Variants in UGT2B4 observed in about 807,000 individuals in gnomAD.
UGT2B4 encodes UDP-glucuronosyltransferase 2B4.
A neutral mutation model predicts 49.8 loss-of-function variants in UGT2B4; 49 were observed. The ratio of observed to expected loss-of-function variants is 0.98; its 90% CI spans 0.78 to 1.25. The LOEUF is 1.25. Ranked by LOEUF, UGT2B4 falls within the 50% of genes most tolerant of loss-of-function variation. The probability of loss-of-function intolerance (pLI) is 0.00; values close to 1 mark genes in which losing one functional copy is unlikely to be tolerated. For missense variants in UGT2B4, 729 were observed against 627.7 expected, an observed-to-expected ratio of 1.16 and a Z score of -1.73; for synonymous variants, 246 against 217.7, an observed-to-expected ratio of 1.13 and a Z score of -1.14.
chr4:69,523,562 T>C (rs1728893071), intron 1 of UGT2B4, among the ~76,000 whole-genome samples: 1 of 152,126 alleles, frequency 6.6e-6, no homozygotes, highest in South Asian at 2.1e-4. Flanking sequence ...TGCTGTCATC[T>C]AGGCTTTGTC....
At chr4:69,520,331 G>A (rs529595527) in intron 1 of UGT2B4, among the ~76,000 whole-genome samples, 1 of 152,352 alleles carries the variant, frequency 6.6e-6, no homozygotes, top group African/African-American at 2.4e-5. Context: ...AGCCACTGCT[G>A]GAGTTGGGAA....
intron 1 of UGT2B4, among the ~76,000 whole-genome samples, chr4:69,502,710 C>T (rs1207973805): frequency 2.6e-5 from 4 of 152,132 alleles, no homozygotes; most frequent in Admixed American, 2.0e-4. Context: ...GACAGAGCCT[C>T]CAGGGGCCCC....
chr4:69,523,311 T>C (rs572924394), intron 1 of UGT2B4, among the ~76,000 whole-genome samples: 40 of 152,182 alleles, frequency 2.6e-4, no homozygotes, highest in African/African-American at 8.2e-4. Context: ...TTAAAAAATG[T>C]ATTTCTTAAA....
intron 5 of UGT2B4, among the ~76,000 whole-genome samples, chr4:69,484,655 A>G (rs1032320919): frequency 6.6e-6 from 1 of 152,188 alleles, no homozygotes; most frequent in African/African-American, 2.4e-5. Flanking sequence ...CTTCTATACC[A>G]TTATGGCTTC....
intron 1 of UGT2B4, among the ~76,000 whole-genome samples, chr4:69,522,009 C>CT (rs959911823): frequency 1.2e-4 from 18 of 152,086 alleles, no homozygotes; most frequent in Admixed American, 9.2e-4. Context: ...CATATATAGC[C>CT]TTTTTTATCC....
chr4:69,495,509 G>A lies in UGT2B4; in HGVS notation c.353C>T (p.Thr118Ile). 2 of 1,612,274 alleles carry A rather than the reference G, an allele frequency of 1.2e-6. No homozygotes were observed. The highest frequency in any genetic ancestry group is 1.7e-4 in the Middle Eastern group (1 of 6,060). ...YFSQVQEIMW[T>I]FNDILRKFCK... is the part of the protein sequence containing the mutation. ...GAACTTTCTAAGTATGTCATTAAAT[G>A]TCCACATGATTTCTTGTACTTGTGA... Residue 118 changes from threonine (T) to isoleucine (I), a missense_variant, in exon 1 of 6, where the codon ACA (threonine) becomes ATA (isoleucine). By Grantham distance (89) the Thr-to-Ile change is moderately conservative. Transcript: ENST00000305107.
intron 3 of UGT2B4, 118 bp from the exon 4 acceptor site, chr4:69,486,814 T>C: frequency 1.5e-6 from 1 of 673,170 alleles, no homozygotes; most frequent in South Asian, 2.1e-5. Flanking sequence ...CAAGAACTAC[T>C]CAGACTGATG....
At chr4:69,500,774 C>A (rs28808128), upstream of UGT2B4, among the ~76,000 whole-genome samples, 57,746 of 151,802 alleles carry the variant, frequency 0.38, 11,883 homozygotes, top group East Asian at 0.75. Flanking sequence ...TGTGCAACTC[C>A]AGGTAACATG....
At chr4:69,501,639 A>T (rs1728321574) in intron 1 of UGT2B4, among the ~76,000 whole-genome samples, 1 of 151,948 alleles carries the variant, frequency 6.6e-6, no homozygotes, top group Non-Finnish European at 1.5e-5. Flanking sequence ...CCCAACAGGG[A>T]TTTTGGGTAC....
At chr4:69,515,162 T>A (rs1362456038) in intron 1 of UGT2B4, among the ~76,000 whole-genome samples, 1 of 152,152 alleles carries the variant, frequency 6.6e-6, no homozygotes, top group East Asian at 1.9e-4. Context: ...TAACTTTGGA[T>A]CAAGTGAACC....
intron 1 of UGT2B4, among the ~76,000 whole-genome samples, chr4:69,524,307 G>A (rs766976718): frequency 7.9e-5 from 12 of 152,070 alleles, no homozygotes; most frequent in South Asian, 2.1e-4. Context: ...AGTGAAACAC[G>A]TGGTACTCTC....
At chr4:69,497,503 C>A (rs1009355989), upstream of UGT2B4, among the ~76,000 whole-genome samples, 1 of 152,128 alleles carries the variant, frequency 6.6e-6, no homozygotes. Context: ...GGCATATGAA[C>A]CTGTTGGCCC....
At chr4:69,496,900 G>T (rs1388508891), upstream of UGT2B4, among the ~76,000 whole-genome samples, 1 of 151,358 alleles carries the variant, frequency 6.6e-6, no homozygotes, top group Non-Finnish European at 1.5e-5. Context: ...GTTTCAAGAT[G>T]AAACTATTCC....
At chr4:69,481,814 G>A (rs1032026312) in intron 5 of UGT2B4, among the ~76,000 whole-genome samples, 3 of 152,114 alleles carry the variant, frequency 2.0e-5, no homozygotes, top group African/African-American at 7.2e-5. Flanking sequence ...TGTCATGTGG[G>A]TGAAATGCCT....
In UGT2B4 at chr4:69,493,702, G is replaced by C; in HGVS notation, c.861C>G (p.Pro287=). The C allele has an allele frequency of 6.2e-7, 1 of 1,606,676 alleles. No homozygotes were observed. Among genetic ancestry groups the C allele is most frequent in the Non-Finnish European group, 8.5e-7 (1 of 1,177,612 alleles). Residue 287 remains proline, a synonymous_variant, in exon 2 of 6, where the codon CCC becomes CCG. Coordinates refer to ENST00000305107, the MANE Select transcript of UGT2B4 (RefSeq NM_021139.3). ...AACAGTAATAGTTTACCTTCGGTAG[G>C]GGTTTGGCAGGTTTGCAGTGGAGTC... is the stretch of plus-strand genomic sequence containing the variant. ...VGGLHCKPAK[P]LPKEMEEFVQ...
intron 1 of UGT2B4, among the ~76,000 whole-genome samples, chr4:69,503,793 G>A (rs1025243009): frequency 2.6e-5 from 4 of 152,180 alleles, no homozygotes; most frequent in Admixed American, 6.5e-5. Flanking sequence ...CAGCCTTCGT[G>A]ATGAGCAACC....
intron 1 of UGT2B4, 28 bp downstream of exon 1, chr4:69,495,113 C>A: frequency 6.7e-7 from 1 of 1,503,440 alleles, no homozygotes; most frequent in Non-Finnish European, 8.9e-7. Context: ...GTTAGATCTT[C>A]ATGTTACCAA....
In UGT2B4 at chr4:69,486,642, G is replaced by A; in HGVS notation, c.1057C>T (p.Leu353=). 6.2e-7 allele frequency: 1 copy of A among 1,608,490 alleles called. No homozygotes were observed. The highest frequency in any genetic ancestry group is 8.5e-7 in the Non-Finnish European group (1 of 1,178,172). Residue 353 remains leucine, a synonymous_variant, in exon 4 of 6, where the codon CTG becomes TTG. Transcript: ENST00000305107. ...TCATTCTGGGGTATCCACTTGTACA[G>A]CCGAGTATTGAGTCCTAAAGTATCT... The part of the protein sequence containing the change: ...KPDTLGLNTR[L]YKWIPQNDLL...
chr4:69,480,761 T>C lies in UGT2B4; in HGVS notation c.1460A>G (p.Gln487Arg). 6.2e-7 allele frequency: 1 copy of C among 1,614,034 alleles called. No individual in the cohort carries two copies. The highest frequency in any genetic ancestry group is 1.1e-5 in the South Asian group (1 of 91,080). Residue 487 changes from glutamine (Q) to arginine (R), a missense_variant, in exon 6 of 6, where the codon CAG (glutamine) becomes CGG (arginine). Transcript: ENST00000305107. ...CCCAGTCACATCCAAAGAGTGGTACTGGAACCAGGTGAGGTCGTGGGCTGC... is the reference window on the plus strand; with the variant it reads ...CCCAGTCACATCCAAAGAGTGGTACCGGAACCAGGTGAGGTCGTGGGCTGC... ...RVAAHDLTWF[Q>R]YHSLDVTGFL...
Sources: gnomAD v4.1 joint callset for allele counts (sites outside exome capture counted in the v4.1 genomes callset) on GRCh38, gnomAD v4.1.1 for gene constraint, MANE v1.5 for transcripts, NCBI Gene and HGNC (gene_info 2026-07-23, HGNC 2026-07-21) for gene names.